THOC2: variants seen among roughly 807,000 people sequenced by gnomAD.
THOC2 encodes THO complex 2.
THOC2 carries 10 observed loss-of-function variants against 128.4 expected under a neutral mutation model. That is an observed-to-expected ratio of 0.08 (90% CI 0.05 to 0.13). The LOEUF is 0.13. THOC2 is among the 10% of genes least tolerant of loss of function. THOC2 has a pLI of 1.00. For synonymous variants in THOC2, 393 were observed against 396.9 expected (o/e 0.99, Z 0.12); for missense variants, 535 against 1,155.7 (o/e 0.46, Z 7.79).
chrX:123,667,338 C>T, intron 10 of THOC2, 60 bp from the exon 11 acceptor site: 1 of 882,864 alleles, frequency 1.1e-6, no homozygotes, highest in Non-Finnish European at 1.6e-6. Flanking sequence ...AATCTTAATA[C>T]TTTGTCACTT....
At chrX:123,697,782 T>C in intron 4 of THOC2, 31 bp from the exon 5 acceptor site, 2 of 719,512 alleles carry the variant, frequency 2.8e-6, no homozygotes, top group South Asian at 2.6e-5. Flanking sequence ...AAAGTTTGAT[T>C]GATTTGTCTA....
At chrX:123,620,101 A>T (rs750696242) in intron 32 of THOC2, 2 of 111,540 alleles carry the variant, frequency 1.8e-5, no homozygotes, top group South Asian at 7.6e-4. Context: ...ACAGTTTTTT[A>T]AAAGTTCAAC....
intron 12 of THOC2, among the ~76,000 whole-genome samples, chrX:123,664,940 T>C (rs1458184076): frequency 1.8e-5 from 2 of 111,902 alleles, no homozygotes; most frequent in African/African-American, 6.5e-5. Flanking sequence ...GCAGCAATGA[T>C]TGAAAACTAC....
chrX:123,630,294 A>T (rs759224673), intron 22 of THOC2, among the ~76,000 whole-genome samples: 33 of 111,595 alleles, frequency 3.0e-4, no homozygotes, highest in African/African-American at 9.8e-4. Flanking sequence ...TGTACTTCTC[A>T]CTATTGTTCA....
At chrX:123,705,568 C>G (rs1021043722) in intron 3 of THOC2, among the ~76,000 whole-genome samples, 8 of 110,919 alleles carry the variant, frequency 7.2e-5, no homozygotes, top group African/African-American at 2.6e-4. Flanking sequence ...TTTGACTACT[C>G]CAACATGAAC....
chrX:123,702,556 TACATATATATTATAC>T (rs1157295141), intron 4 of THOC2, among the ~76,000 whole-genome samples: 5 of 105,498 alleles, frequency 4.7e-5, no homozygotes, highest in African/African-American at 6.8e-5. Flanking sequence ...ATAACATATA[TACATATATATTATAC>T]ACATATATAT....
chrX:123,725,882 C>G (rs756497974), intron 1 of THOC2, among the ~76,000 whole-genome samples: 1 of 111,349 alleles, frequency 9.0e-6, no homozygotes, highest in African/African-American at 3.3e-5. Flanking sequence ...TTTGGGTTCT[C>G]ATTTCCCTTA....
At chrX:123,669,811 CAA>C (rs927991366) in intron 9 of THOC2, among the ~76,000 whole-genome samples, 1 of 111,784 alleles carries the variant, frequency 8.9e-6, no homozygotes, top group African/African-American at 3.3e-5. Flanking sequence ...CTCCTTCTGC[CAA>C]AAAGTCTATT....
chrX:123,730,898 C>A (rs751761537), intron 1 of THOC2, among the ~76,000 whole-genome samples: 87 of 111,780 alleles, frequency 7.8e-4, no homozygotes, highest in African/African-American at 2.8e-3. Flanking sequence ...GAGCCGAGAT[C>A]GCGCCACTGC....
rs1239931682 is a variant in THOC2 at position 123,638,959 on chromosome X, A to C, written c.1815T>G (p.Thr605=). 1.7e-6 allele frequency: 2 copies of C among 1,172,756 alleles called. No individual in the cohort carries two copies. Among genetic ancestry groups the C allele is most frequent in the East Asian group, 3.0e-5 (1 of 33,151 alleles). The part of the protein sequence containing the change: ...TPVVDSLKYL[T]SLNYDVLAYC... ...AGGCCAAGACATCATAATTCAGTGAAGTGAGGTATTTCAATGAATCTACTA... is the reference window on the plus strand; with the variant it reads ...AGGCCAAGACATCATAATTCAGTGACGTGAGGTATTTCAATGAATCTACTA... The change falls in exon 17 of 39, where the codon ACT becomes ACG. Residue 605 remains threonine (T), a synonymous_variant. Transcript: ENST00000245838.
intron 9 of THOC2, 47 bp downstream of exon 9, chrX:123,671,622 C>A: frequency 1.1e-6 from 1 of 889,424 alleles, no homozygotes; most frequent in South Asian, 2.7e-5. Flanking sequence ...CTCTTCCCTA[C>A]CCTTGGGACA....
At chrX:123,661,402 T>C (rs1358569459) in intron 12 of THOC2, among the ~76,000 whole-genome samples, 4 of 106,801 alleles carry the variant, frequency 3.7e-5, no homozygotes. Flanking sequence ...CGAAACTCCA[T>C]CTCAAAAAAA....
chrX:123,655,023 T>C (rs964077250), intron 12 of THOC2, among the ~76,000 whole-genome samples: 1 of 110,999 alleles, frequency 9.0e-6, no homozygotes, highest in African/African-American at 3.3e-5. Context: ...TGATCTATTT[T>C]TCGTATCCCT....
chrX:123,710,550 A>G (rs1410152755), intron 2 of THOC2, among the ~76,000 whole-genome samples: 1 of 111,725 alleles, frequency 9.0e-6, no homozygotes, highest in African/African-American at 3.3e-5. Context: ...CTGTCTATCA[A>G]CCTCAAAAAT....
chrX:123,652,902 T>C (rs1472026678), intron 12 of THOC2, among the ~76,000 whole-genome samples: 3 of 111,580 alleles, frequency 2.7e-5, no homozygotes, highest in Non-Finnish European at 5.7e-5. Flanking sequence ...AGTGACTTTT[T>C]TCAGAGTTAG....
At chrX:123,732,771 G>A (rs1380198653) in intron 1 of THOC2, among the ~76,000 whole-genome samples, 181 bp downstream of exon 1, 2 of 111,057 alleles carry the variant, frequency 1.8e-5, no homozygotes, top group African/African-American at 6.6e-5. Context: ...GAAGGAAGGA[G>A]GTCCGCGGCG....
rs774422479 is a variant in THOC2 at position 123,623,551 on chromosome X, T to A, written c.3503+236A>T. ...TGTTAACTATGATGATAAAATTATA[T>A]TTCCTCCCAATCAAGAAATATTATA... On this transcript the variant is annotated intron_variant, in intron 28 of 38. Transcript: ENST00000245838. 13 of 654,394 alleles carry A rather than the reference T, an allele frequency of 2.0e-5. No homozygotes were observed. The East Asian group carries it at 4.1e-4, about 21-fold the overall frequency. The allele number at this position is 654,394 out of a possible 1,213,427, so 53.9% of individuals were successfully genotyped here. A position where few individuals can be genotyped will look rare whatever the true frequency, so the allele number is the denominator to read the frequency against.
chrX:123,701,450 T>C, intron 4 of THOC2, among the ~76,000 whole-genome samples: 1 of 111,730 alleles, frequency 9.0e-6, no homozygotes, highest in East Asian at 2.8e-4. Flanking sequence ...GACAATGACT[T>C]GTAACAATAA....
chrX:123,665,940 T>A, intron 11 of THOC2, 103 bp from the exon 12 acceptor site: 2 of 487,211 alleles, frequency 4.1e-6, no homozygotes, highest in Non-Finnish European at 5.8e-6. Context: ...AACAAAGTTA[T>A]CTTAATCAGT....
Sources: gnomAD v4.1 joint callset for allele counts (sites outside exome capture counted in the v4.1 genomes callset) on GRCh38, gnomAD v4.1.1 for gene constraint, MANE v1.5 for transcripts, NCBI Gene and HGNC (gene_info 2026-07-23, HGNC 2026-07-21) for gene names.